Variants in ANKFY1 observed in about 807,000 individuals in gnomAD.
ANKFY1 encodes the protein ankyrin repeat and FYVE domain containing 1.
Under a neutral mutation model 128.3 loss-of-function variants are expected in ANKFY1, and 47 were observed. The observed-to-expected ratio is 0.37, with a 90% CI of 0.29 to 0.47. The LOEUF (loss-of-function observed/expected upper bound fraction) is 0.47, where lower values mean the gene tolerates loss of function less well. Ranked by LOEUF, ANKFY1 falls within the 20% of genes least tolerant of loss-of-function variation. The pLI is 1.00. For synonymous variants in ANKFY1, 553 were observed against 601.6 expected, an observed-to-expected ratio of 0.92 and a Z score of 1.18; for missense variants, 1,222 against 1,510.6, an observed-to-expected ratio of 0.81 and a Z score of 3.17.
In ANKFY1 at chr17:4,184,867, C is replaced by T. The variant is rs761976805; in HGVS notation, c.1650G>A (p.Ala550=). 3.4e-5 allele frequency: 55 copies of T among 1,613,820 alleles called. No homozygotes were observed. Among genetic ancestry groups the T allele is most frequent in the Middle Eastern group, 1.6e-4 (1 of 6,084 alleles). The change falls in exon 12 of 25, where the codon GCG becomes GCA. Residue 550 remains alanine (A), a synonymous_variant. Transcript: ENST00000341657. ...SVHLQTPLHM[A]IAYNHPDVVS... ...CCACATCCGGATGGTTATAGGCGATCGCCATGTGCAGTGGCGTCTGCAGAT... is the reference window on the plus strand; with the variant it reads ...CCACATCCGGATGGTTATAGGCGATTGCCATGTGCAGTGGCGTCTGCAGAT...
chr17:4,173,369 T>G lies in ANKFY1; in HGVS notation c.2999A>C (p.Glu1000Ala). Reference protein sequence around the residue: ...VLLTECTVDAEAFNLRGQSPL... With the variant: ...VLLTECTVDAAAFNLRGQSPL... The stretch of plus-strand genomic sequence containing the variant: ...ACGCGCTCACCTGAGATTAAAGGCT[T>G]CGGCGTCCACTGTGCACTCTGTCAG... Residue 1000 changes from glutamate (E) to alanine (A), a missense_variant, in exon 21 of 25, where the codon GAA (glutamate) becomes GCA (alanine). Transcript: ENST00000341657. 2 of 1,614,112 alleles carry G rather than the reference T, an allele frequency of 1.2e-6. No individual in the cohort carries two copies. Among genetic ancestry groups the G allele is most frequent in the Non-Finnish European group, 1.7e-6 (2 of 1,179,990 alleles).
chr17:4,240,608 T>C (rs1458541302), intron 2 of ANKFY1, among the ~76,000 whole-genome samples: 1 of 152,108 alleles, frequency 6.6e-6, no homozygotes, highest in Non-Finnish European at 1.5e-5. Context: ...GTCAGGCTGG[T>C]CTCAAACTCC....
At position 4,178,582 on chromosome 17, in the gene ANKFY1, G is replaced by A; in HGVS notation, c.2598+275C>T. ...CCAACCTAGCAAAAGCAAAGAATGA[G>A]CTCAACTGTACATGCCACAGAATTC... is the stretch of plus-strand genomic sequence containing the variant. On this transcript the variant is annotated intron_variant, in intron 18 of 24. Coordinates refer to ENST00000341657, the MANE Select transcript of ANKFY1 (RefSeq NM_001330063.2). This position sits in a 1 kb window ranked among gnomAD's most constrained non-coding sequence, Gnocchi z 4.1. 4.1e-6 allele frequency: 2 copies of A among 489,916 alleles called. No homozygotes were observed. The highest frequency in any genetic ancestry group is 4.6e-5 in the South Asian group (2 of 43,140). 30.3% of individuals were successfully genotyped at this position (489,916 alleles called of 1,614,324 possible).
intron 3 of ANKFY1, among the ~76,000 whole-genome samples, chr17:4,221,124 A>C (rs1178097084): frequency 6.6e-6 from 1 of 152,240 alleles, no homozygotes; most frequent in Non-Finnish European, 1.5e-5. Context: ...TTTTAAATAA[A>C]TGTTTTCCAA....
At chr17:4,183,171 G>T (rs1485900545) in intron 14 of ANKFY1, among the ~76,000 whole-genome samples, 1 of 152,170 alleles carries the variant, frequency 6.6e-6, no homozygotes, top group Admixed American at 6.5e-5. Context: ...CTATGCACTG[G>T]TCCTGAAAGG....
rs1169897137 is a variant in ANKFY1, at chr17:4,169,982, G to C, written c.3287-694C>G. Among the ~76,000 whole-genome samples the C allele has an allele frequency of 6.6e-6, 1 of 152,206 alleles. No individual in the cohort carries two copies. Among genetic ancestry groups the C allele is most frequent in the Non-Finnish European group, 1.5e-5 (1 of 68,042 alleles). On this transcript the variant is annotated intron_variant, in intron 23 of 24. Transcript: ENST00000341657. This position sits in a 1 kb window ranked among gnomAD's most constrained non-coding sequence, Gnocchi z 5.0. The stretch of plus-strand genomic sequence containing the variant: ...GTCCGTCAGTTCCTTCTGAGTAATG[G>C]GATGTGTGTGCTGCCGGCCCTGTGA...
chr17:4,247,854 C>T (rs1052817548), intron 1 of ANKFY1, among the ~76,000 whole-genome samples: 1 of 152,166 alleles, frequency 6.6e-6, no homozygotes, highest in Non-Finnish European at 1.5e-5. Context: ...GTTGTAAACA[C>T]TGAAAGTACT....
chr17:4,170,950 A>C lies in ANKFY1; in HGVS notation c.3140-89T>G, dbSNP rs993076347. On this transcript the variant is annotated intron_variant, in intron 22 of 24. Transcript: ENST00000341657. ...AGGGCGGAGGACAGCCAAGGGCAGA[A>C]CAGACCGCTGGCAGGAAATCTGTTC... 18 of 1,584,896 alleles carry C rather than the reference A, an allele frequency of 1.1e-5. No individual in the cohort carries two copies. In the South Asian group the frequency reaches 2.0e-4, roughly 18 times the overall value.
At position 4,179,802 on chromosome 17, in the gene ANKFY1, G is replaced by A. The variant is rs1472760856; in HGVS notation, c.2316C>T (p.Thr772=). ...EGEEEARDGQ[T]PLHLAASWGL... is the part of the protein sequence containing the mutation. ...CCCAAGAGGCTGCCAAATGCAAAGG[G>A]GTCTGCCCATCTCTAGCCTCTTCCT... Residue 772 remains threonine, a synonymous_variant, in exon 17 of 25, where the codon ACC becomes ACT. Coordinates refer to ENST00000341657, the MANE Select transcript of ANKFY1 (RefSeq NM_001330063.2). 3 of 1,614,186 alleles carry A rather than the reference G, an allele frequency of 1.9e-6. No homozygotes were observed. In the Admixed American group the frequency reaches 5.0e-5, roughly 27 times the overall value.
Position 4,183,906 on chromosome 17 carries a change from A to G in ANKFY1, c.1704T>C (p.Asn568=). Residue 568 remains asparagine, a synonymous_variant, in exon 13 of 25, where the codon AAT becomes AAC. Transcript: ENST00000341657. The part of the protein sequence containing the change: ...VVSVILEQKA[N]ALHATNNLQI... ...GCAAGTTGTTGGTGGCATGAAGAGC[A>G]TTGGCTAAATGTTTGAAAAAGTAAA... 1 of 1,611,726 alleles carries G rather than the reference A, an allele frequency of 6.2e-7. No individual in the cohort carries two copies. Among genetic ancestry groups the G allele is most frequent in the Non-Finnish European group, 8.5e-7 (1 of 1,177,782 alleles).
In ANKFY1 at chr17:4,251,751, A is replaced by G. The variant is rs7223103; in HGVS notation, c.11-9303T>C. On this transcript the variant is annotated intron_variant, in intron 1 of 24. Coordinates refer to ENST00000341657, the MANE Select transcript of ANKFY1 (RefSeq NM_001330063.2). ...GGGAGAAAATATGTGCAAAACATCC[A>G]ACAAAAAACGCCTCATTCCCAGCCT... Among the ~76,000 whole-genome samples, 756 of 152,206 alleles carry G rather than the reference A, an allele frequency of 5.0e-3. 2 individuals are homozygous for G. Among genetic ancestry groups the G allele is most frequent in the Non-Finnish European group, 7.6e-3 (516 of 68,004 alleles).
intron 10 of ANKFY1, among the ~76,000 whole-genome samples, chr17:4,193,419 CTTTTT>C (rs34747890): frequency 9.2e-6 from 1 of 108,278 alleles, no homozygotes; most frequent in African/African-American, 4.2e-5. Flanking sequence ...CCAGTCGACT[CTTTTT>C]TTTTTTTTTT....
chr17:4,246,272 T>C (rs537209949), intron 1 of ANKFY1, among the ~76,000 whole-genome samples: 1 of 152,228 alleles, frequency 6.6e-6, no homozygotes, highest in East Asian at 1.9e-4. Flanking sequence ...TGTAGCATAC[T>C]GGACCCAGAA....
At chr17:4,214,463 T>G (rs996099826) in intron 4 of ANKFY1, among the ~76,000 whole-genome samples, 2 of 152,156 alleles carry the variant, frequency 1.3e-5, no homozygotes, top group African/African-American at 2.4e-5. Flanking sequence ...AATTTTTTAA[T>G]TATTATTTTT....
intron 8 of ANKFY1, among the ~76,000 whole-genome samples, chr17:4,196,269 A>G (rs1453538894): frequency 6.6e-6 from 1 of 152,050 alleles, no homozygotes; most frequent in Non-Finnish European, 1.5e-5. Context: ...TTTAGGAAAT[A>G]AGGTAATTAT....
chr17:4,228,349 G>C (rs905914088), intron 3 of ANKFY1, among the ~76,000 whole-genome samples: 1 of 151,860 alleles, frequency 6.6e-6, no homozygotes, highest in African/African-American at 2.4e-5. Flanking sequence ...CTGCAGAAGT[G>C]GATGGCAAAA....
Position 4,170,564 on chromosome 17 carries a change from C to G in ANKFY1, c.3286+151G>C. ...TCCCAACACGCTCAAAAGTCCTTCC[C>G]TTATTCAGAGAAATGGTCCCAGCTA... is the stretch of plus-strand genomic sequence containing the variant. On this transcript the variant is annotated intron_variant, in intron 23 of 24. Coordinates refer to ENST00000341657, the MANE Select transcript of ANKFY1 (RefSeq NM_001330063.2). 8.8e-6 allele frequency: 10 copies of G among 1,136,994 alleles called. No individual in the cohort carries two copies. In the South Asian group the frequency reaches 9.7e-5, roughly 11 times the overall value. The allele number at this position is 1,136,994 out of a possible 1,614,324, so 70.4% of individuals were successfully genotyped here.
intron 3 of ANKFY1, among the ~76,000 whole-genome samples, chr17:4,225,630 C>T (rs953547643): frequency 4.6e-5 from 7 of 152,076 alleles, no homozygotes; most frequent in East Asian, 1.9e-4. Flanking sequence ...AAAACAACAA[C>T]GACCTAAAGA....
In ANKFY1 at chr17:4,244,864, GC is replaced by G. The variant is rs374047901; in HGVS notation, c.11-2417del. 2.7e-3 allele frequency among the ~76,000 whole-genome samples: 413 copies of G among 152,120 alleles called. 5 individuals are homozygous for G. Among genetic ancestry groups the G allele is most frequent in the African/African-American group, 9.5e-3 (395 of 41,490 alleles). On this transcript the variant is annotated intron_variant, in intron 1 of 24. Transcript: ENST00000341657. Reference sequence around the variant, plus strand: ...CTGGGTCCTGCTAGTCAGCATACGAGCCAGTTTAAGTCTCTTATCTATTAAA... The same window carrying G: ...CTGGGTCCTGCTAGTCAGCATACGAGCAGTTTAAGTCTCTTATCTATTAAA...
Sources: allele counts gnomAD v4.1 joint callset (sites outside exome capture counted in the v4.1 genomes callset), GRCh38; gene constraint gnomAD v4.1.1; non-coding constraint Gnocchi (gnomAD v3.1); transcripts MANE v1.5; gene names NCBI Gene and HGNC (gene_info 2026-07-23, HGNC 2026-07-21).